The following SUGCT variants were observed in gnomAD, a reference collection of about 807,000 sequenced individuals.
SUGCT encodes the protein succinyl-CoA:glutarate CoA-transferase.
A neutral mutation model predicts 55.0 loss-of-function variants in SUGCT; 41 were observed. The observed-to-expected ratio is 0.74, with a 90% CI of 0.58 to 0.97. The LOEUF (loss-of-function observed/expected upper bound fraction) is 0.97, where lower values mean the gene tolerates loss of function less well. Ranked by LOEUF, SUGCT falls within the 50% of genes least tolerant of loss-of-function variation. SUGCT has a pLI of 0.00. For synonymous variants in SUGCT, 187 were observed against 200.4 expected (o/e 0.93, Z 0.56); for missense variants, 568 against 547.8 (o/e 1.04, Z -0.37).
chr7:40,979,834 T>C, the SUGCT span: 1 of 152,168 alleles, frequency 6.6e-6, no homozygotes, highest in East Asian at 1.9e-4. Context: ...TGGAAGTCTT[T>C]GCGGGGAAAA....
intron 12 of SUGCT, among the ~76,000 whole-genome samples, chr7:40,515,118 C>A (rs1351576498): frequency 2.0e-5 from 3 of 148,796 alleles, no homozygotes; most frequent in African/African-American, 7.4e-5. Flanking sequence ...ATTTCTGTAA[C>A]CATGACCACA....
intron 12 of SUGCT, among the ~76,000 whole-genome samples, chr7:40,741,670 A>G (rs1230935137): frequency 7.2e-5 from 11 of 152,246 alleles, no homozygotes; most frequent in Admixed American, 7.2e-4. Context: ...TTGCCATGGT[A>G]AAATAACTGG....
At chr7:40,426,083 C>T (rs1411119514) in intron 9 of SUGCT, among the ~76,000 whole-genome samples, 1 of 152,168 alleles carries the variant, frequency 6.6e-6, no homozygotes, top group Admixed American at 6.6e-5. Context: ...TGATCAGTCT[C>T]TTCACAGTAA....
At chr7:40,183,647 A>C (rs972497052) in intron 3 of SUGCT, among the ~76,000 whole-genome samples, 1 of 152,168 alleles carries the variant, frequency 6.6e-6, no homozygotes, top group African/African-American at 2.4e-5. Context: ...TTCTATTCCC[A>C]ATAAAAGAAA....
rs533537197 is a variant in SUGCT, at chr7:40,576,461, T to C, written c.1089+80075T>C. Among the ~76,000 whole-genome samples, 3 of 152,306 alleles carry C rather than the reference T, an allele frequency of 2.0e-5. No homozygotes were observed. In the South Asian group the frequency reaches 6.2e-4, roughly 32 times the overall value. On this transcript the variant is annotated intron_variant, in intron 12 of 13. Transcript: ENST00000335693. ...TCTCACCAAAAGGATAAAAAGTCTC[T>C]CCCATGCGTTGAGAGCAGGGAACAT... is the stretch of plus-strand genomic sequence containing the variant.
the SUGCT span, among the ~76,000 whole-genome samples, chr7:41,007,768 CT>C: frequency 8.0e-6 from 1 of 125,514 alleles, no homozygotes; most frequent in Non-Finnish European, 1.6e-5. Context: ...ATGGAATTTG[CT>C]TTAAGTAAAA....
In SUGCT at chr7:40,609,627, A is replaced by G. The variant is rs116534536; in HGVS notation, c.1089+113241A>G. On this transcript the variant is annotated intron_variant, in intron 12 of 13. Coordinates refer to ENST00000335693, the MANE Select transcript of SUGCT (RefSeq NM_001193313.2). ...ACACTGTTTCTTAACTTTTGTTTAC[A>G]TATTGGTACTTCAAAATTGCACTGA... 2.8e-3 allele frequency among the ~76,000 whole-genome samples: 432 copies of G among 152,192 alleles called. 1 individual carries two copies. The highest frequency in any genetic ancestry group is 0.01 in the Middle Eastern group (3 of 294).
the SUGCT span, among the ~76,000 whole-genome samples, chr7:40,953,419 C>T: frequency 6.6e-6 from 1 of 152,004 alleles, no homozygotes; most frequent in Admixed American, 6.6e-5. Context: ...AGCTTGGAGA[C>T]GTTTGATTGT....
At chr7:40,954,410 G>A in the SUGCT span, among the ~76,000 whole-genome samples, 4,097 of 152,232 alleles carry the variant, frequency 0.027, 195 homozygotes, top group African/African-American at 0.094. Context: ...CGGGTGAGGC[G>A]ATGCCTTGCC....
intron 12 of SUGCT, among the ~76,000 whole-genome samples, chr7:40,498,066 G>A (rs1312196306): frequency 6.6e-6 from 1 of 151,906 alleles, no homozygotes; most frequent in East Asian, 1.9e-4. Flanking sequence ...CAATTCTTCT[G>A]GAACTACAAA....
At chr7:40,386,395 G>C (rs906167123) in intron 9 of SUGCT, among the ~76,000 whole-genome samples, 1 of 152,170 alleles carries the variant, frequency 6.6e-6, no homozygotes, top group Non-Finnish European at 1.5e-5. Flanking sequence ...CACTCACAAA[G>C]TTGTGGGGCT....
intron 11 of SUGCT, among the ~76,000 whole-genome samples, chr7:40,474,727 T>C (rs1226691092): frequency 6.6e-6 from 1 of 152,174 alleles, no homozygotes; most frequent in Non-Finnish European, 1.5e-5. Flanking sequence ...CATGGTAGCA[T>C]TGAAGCTTGA....
chr7:41,029,256 G>C, the SUGCT span, among the ~76,000 whole-genome samples: 4 of 152,160 alleles, frequency 2.6e-5, no homozygotes, highest in African/African-American at 9.7e-5. Flanking sequence ...GGTGAGTGCT[G>C]CTTGTTTATA....
At chr7:40,675,395 A>G (rs1278370880) in intron 12 of SUGCT, among the ~76,000 whole-genome samples, 1 of 152,220 alleles carries the variant, frequency 6.6e-6, no homozygotes, top group Non-Finnish European at 1.5e-5. Flanking sequence ...TCACATATGT[A>G]TAAAATATAT....
chr7:40,662,201 G>C (rs912904136), intron 12 of SUGCT, among the ~76,000 whole-genome samples: 3 of 152,090 alleles, frequency 2.0e-5, no homozygotes, highest in Admixed American at 2.0e-4. Context: ...AAGTCCTGTT[G>C]GTTCAACCTC....
intron 12 of SUGCT, among the ~76,000 whole-genome samples, chr7:40,569,429 C>G (rs1281564536): frequency 6.6e-6 from 1 of 152,166 alleles, no homozygotes; most frequent in Non-Finnish European, 1.5e-5. Flanking sequence ...CTTGATAGAG[C>G]CAGCACATCT....
At chr7:41,012,786 G>A in the SUGCT span, among the ~76,000 whole-genome samples, 2 of 151,836 alleles carry the variant, frequency 1.3e-5, no homozygotes, top group Non-Finnish European at 2.9e-5. Flanking sequence ...TTAAAATGAA[G>A]CAGAAGAATG....
chr7:40,602,984 G>A (rs1798364010), intron 12 of SUGCT, among the ~76,000 whole-genome samples: 1 of 152,184 alleles, frequency 6.6e-6, no homozygotes, highest in South Asian at 2.1e-4. Flanking sequence ...GGAACAAGGA[G>A]CTGGCATAGT....
At chr7:40,952,394 T>G in the SUGCT span, among the ~76,000 whole-genome samples, 31 of 152,320 alleles carry the variant, frequency 2.0e-4, no homozygotes, top group Non-Finnish European at 3.7e-4. Context: ...TGATAGATCT[T>G]GACACTTTAT....
Sources: gnomAD v4.1 joint callset for allele counts (sites outside exome capture counted in the v4.1 genomes callset) on GRCh38, gnomAD v4.1.1 for gene constraint, MANE v1.5 for transcripts, NCBI Gene and HGNC (gene_info 2026-07-23, HGNC 2026-07-21) for gene names.